GPC4: variants seen among roughly 807,000 people sequenced by gnomAD.
GPC4 encodes glypican-4.
In GPC4, 10 loss-of-function variants were observed where a neutral mutation model predicts 35.0. That is an observed-to-expected ratio of 0.29 (90% confidence interval 0.18 to 0.48). The LOEUF (loss-of-function observed/expected upper bound fraction) is 0.48. Among genes scored for constraint, GPC4 ranks in the 20% least tolerant of loss-of-function variants. The pLI, the probability that GPC4 is intolerant of heterozygous loss-of-function variation, is 0.99. For synonymous variants in GPC4, 167 were observed against 170.2 expected (o/e 0.98, Z 0.15); for missense variants, 322 against 451.3 (o/e 0.71, Z 2.60).
intron 1 of GPC4, among the ~76,000 whole-genome samples, chrX:133,354,540 TTTTATTTATTTA>T (rs200729281): frequency 1.0e-5 from 1 of 95,643 alleles, no homozygotes; most frequent in Non-Finnish European, 2.0e-5. Flanking sequence ...CAAGGTCATG[TTTTATTTATTTA>T]TTTATTTATT....
chrX:133,395,202 T>C (rs113681042), intron 1 of GPC4, among the ~76,000 whole-genome samples: 2 of 111,989 alleles, frequency 1.8e-5, no homozygotes, highest in African/African-American at 6.5e-5. Context: ...AATAGGCCCA[T>C]AGTGAGTGCT....
rs767318759 is a variant in GPC4 at position 133,325,817 on chromosome X, CCAAATAGCTTTT to C, written c.320-1293_320-1282del. The stretch of plus-strand genomic sequence containing the variant: ...GCAACTCAGAGACTGGCCACTAATA[CCAAATAGCTTTT>C]CAAAACCTGGACTGAGGAAACTGAA... On this transcript the variant is annotated intron_variant, in intron 2 of 8. Coordinates refer to ENST00000370828, the MANE Select transcript of GPC4 (RefSeq NM_001448.3). 3.6e-5 allele frequency among the ~76,000 whole-genome samples: 4 copies of C among 111,868 alleles called. No individual in the cohort carries two copies. The East Asian group carries it at 1.1e-3, about 32-fold the overall frequency.
chrX:133,377,877 C>CTTTTTTTTT (rs59474368), intron 1 of GPC4, among the ~76,000 whole-genome samples: 1 of 86,192 alleles, frequency 1.2e-5, no homozygotes. Context: ...TTTTCTTTTT[C>CTTTTTTTTT]TTTTTTTTTT....
rs1273326357 is a variant in GPC4 at position 133,300,239 on chromosome X, A to G, written c.*2628T>C. On this transcript the variant is annotated 3_prime_UTR_variant, in exon 9 of 9. Transcript: ENST00000370828. ...CGTCAATTCTTCGCAGTGTCTTTTA[A>G]TCAAAATAACAGGTGCTAGTTACGA... The G allele has an allele frequency of 7.1e-5, 8 of 112,620 alleles. No homozygotes were observed. The highest frequency in any genetic ancestry group is 1.3e-4 in the Non-Finnish European group (7 of 53,356). 9.3% of individuals were successfully genotyped at this position (112,620 alleles called of 1,213,427 possible). A position where few individuals can be genotyped will look rare whatever the true frequency, so the allele number is the denominator to read the frequency against.
intron 1 of GPC4, among the ~76,000 whole-genome samples, chrX:133,366,745 C>T (rs1045709827): frequency 9.0e-6 from 1 of 111,000 alleles, no homozygotes; most frequent in African/African-American, 3.3e-5. Context: ...ACTTTCCACA[C>T]CTAAGTAACA....
intron 1 of GPC4, among the ~76,000 whole-genome samples, chrX:133,382,545 G>A (rs752915542): frequency 2.8e-5 from 3 of 107,726 alleles, no homozygotes; most frequent in Non-Finnish European, 3.8e-5. Flanking sequence ...TGGCTAACAC[G>A]GTGAAACCCC....
At chrX:133,354,306 G>A (rs1483794931) in intron 1 of GPC4, among the ~76,000 whole-genome samples, 1 of 112,268 alleles carries the variant, frequency 8.9e-6, no homozygotes, top group African/African-American at 3.2e-5. Context: ...TAACCAATGA[G>A]AGGCAACTGT....
In GPC4 at chrX:133,305,938, G is replaced by C. The variant is rs145645920; in HGVS notation, c.1009-20C>G. 4 of 1,210,643 alleles carry C rather than the reference G, an allele frequency of 3.3e-6. No homozygotes were observed. The highest frequency in any genetic ancestry group is 4.5e-6 in the Non-Finnish European group (4 of 894,807). On this transcript the variant is annotated intron_variant, in intron 5 of 8. Coordinates refer to ENST00000370828, the MANE Select transcript of GPC4 (RefSeq NM_001448.3). ...GAAAACCTGCATTAGAGTAAGTGTCGTCATGTTAGGGAAGTCACTCCCAAG... is the reference window on the plus strand; with the variant it reads ...GAAAACCTGCATTAGAGTAAGTGTCCTCATGTTAGGGAAGTCACTCCCAAG...
chrX:133,319,177 C>T (rs777811461), intron 3 of GPC4, among the ~76,000 whole-genome samples: 53 of 110,890 alleles, frequency 4.8e-4, no homozygotes, highest in African/African-American at 1.6e-3. Flanking sequence ...GGCGCAGTGG[C>T]TTATGCCTGT....
chrX:133,339,059 C>G (rs1418250296), intron 2 of GPC4, 124 bp downstream of exon 2: 3 of 636,527 alleles, frequency 4.7e-6, no homozygotes, highest in Non-Finnish European at 7.2e-6. Flanking sequence ...GTAAACTCGT[C>G]TCTGGTATCC....
intron 7 of GPC4, among the ~76,000 whole-genome samples, chrX:133,304,442 C>T (rs1418991645): frequency 8.9e-6 from 1 of 112,031 alleles, no homozygotes; most frequent in Non-Finnish European, 1.9e-5. Flanking sequence ...GAGCCACAGG[C>T]ATTAAATATT....
At chrX:133,392,058 C>T (rs1257183750) in intron 1 of GPC4, among the ~76,000 whole-genome samples, 1 of 108,975 alleles carries the variant, frequency 9.2e-6, no homozygotes, top group East Asian at 2.9e-4. Context: ...CATGGTGAAA[C>T]CCCGTCTCTA....
chrX:133,330,662 C>T (rs2068415355), intron 2 of GPC4, among the ~76,000 whole-genome samples: 1 of 111,165 alleles, frequency 9.0e-6, no homozygotes, highest in South Asian at 3.8e-4. Context: ...ATATGCTGCT[C>T]CTTGGCCAGG....
rs2068536012 is a variant in GPC4 at position 133,355,137 on chromosome X, T to G, written c.161-15796A>C. On this transcript the variant is annotated intron_variant, in intron 1 of 8. Coordinates refer to ENST00000370828, the MANE Select transcript of GPC4 (RefSeq NM_001448.3). ...ATGCTTATGTTTTTGCCCATGAGTG[T>G]TTCTATTAATATTTTTTATATATGA... Among the ~76,000 whole-genome samples the G allele has an allele frequency of 2.7e-5, 3 of 111,978 alleles. No homozygotes were observed. The Admixed American group carries it at 2.8e-4, about 11-fold the overall frequency.
chrX:133,397,798 C>CGTGA (rs1440949614), intron 1 of GPC4, among the ~76,000 whole-genome samples: 13 of 112,020 alleles, frequency 1.2e-4, no homozygotes, highest in African/African-American at 3.9e-4. Context: ...CAGTGGCTCA[C>CGTGA]GCCTGTAATC....
intron 1 of GPC4, among the ~76,000 whole-genome samples, chrX:133,349,707 A>T (rs2068508605): frequency 9.0e-6 from 1 of 111,487 alleles, no homozygotes; most frequent in Non-Finnish European, 1.9e-5. Flanking sequence ...TGCAGTCTCG[A>T]CCTCCTGGGC....
At chrX:133,314,350 C>T (rs913155385) in intron 3 of GPC4, among the ~76,000 whole-genome samples, 4 of 112,006 alleles carry the variant, frequency 3.6e-5, no homozygotes, top group African/African-American at 1.3e-4. Flanking sequence ...ATTTATGCAA[C>T]AGACCTTGTA....
chrX:133,323,799 T>C (rs1320273640), intron 3 of GPC4, among the ~76,000 whole-genome samples: 5 of 112,161 alleles, frequency 4.5e-5, no homozygotes, highest in Non-Finnish European at 9.4e-5. Context: ...TATGTTTGTT[T>C]GTGCAGAAAG....
At chrX:133,319,675 T>G (rs542352234) in intron 3 of GPC4, among the ~76,000 whole-genome samples, 14 of 110,267 alleles carry the variant, frequency 1.3e-4, no homozygotes, top group African/African-American at 4.6e-4. Flanking sequence ...GGGCAGGAGT[T>G]AGCAGAGGTG....
Sources: gnomAD v4.1 joint callset for allele counts (sites outside exome capture counted in the v4.1 genomes callset) on GRCh38, gnomAD v4.1.1 for gene constraint, MANE v1.5 for transcripts, NCBI Gene and HGNC (gene_info 2026-07-23, HGNC 2026-07-21) for gene names.